Variants in PITPNM2 observed in about 807,000 individuals in gnomAD.
PITPNM2 encodes the protein membrane-associated phosphatidylinositol transfer protein 2.
A neutral mutation model predicts 132.2 loss-of-function variants in PITPNM2; 35 were observed. That is an observed-to-expected ratio of 0.26 (90% CI 0.20 to 0.35). The LOEUF (loss-of-function observed/expected upper bound fraction) is 0.35. PITPNM2 is among the 10% of genes least tolerant of loss of function. The pLI is 1.00. For synonymous variants in PITPNM2, 738 were observed against 799.2 expected (o/e 0.92, Z 1.29); for missense variants, 1,332 against 1,912.0 (o/e 0.70, Z 5.66).
At chr12:123,056,684 AC>A (rs1365096813) in intron 2 of PITPNM2, among the ~76,000 whole-genome samples, 2 of 152,190 alleles carry the variant, frequency 1.3e-5, no homozygotes, top group African/African-American at 4.8e-5. Flanking sequence ...ACTGGGTGAC[AC>A]TGGACACTGT....
chr12:123,037,462 A>G (rs2040312798), intron 2 of PITPNM2, among the ~76,000 whole-genome samples: 1 of 152,234 alleles, frequency 6.6e-6, no homozygotes, highest in Non-Finnish European at 1.5e-5. Context: ...TGTGACGTGC[A>G]GCACCCACTC....
At chr12:123,069,533 G>C (rs2041557808) in intron 2 of PITPNM2, among the ~76,000 whole-genome samples, 1 of 152,166 alleles carries the variant, frequency 6.6e-6, no homozygotes, top group African/African-American at 2.4e-5. Context: ...CCTGGAATCA[G>C]ATGGCCAGAG....
intron 2 of PITPNM2, among the ~76,000 whole-genome samples, chr12:123,051,904 C>A (rs545567993): frequency 8.0e-6 from 1 of 124,374 alleles, no homozygotes; most frequent in Admixed American, 9.8e-5. Context: ...TTTTTCCATT[C>A]TATTCTTTTT....
At chr12:123,012,855 A>C in intron 4 of PITPNM2, 121 bp from the exon 5 acceptor site, 1 of 1,339,888 alleles carries the variant, frequency 7.5e-7, no homozygotes, top group Non-Finnish European at 1.0e-6. Flanking sequence ...AGGAGGGTGG[A>C]GGGTAGCCGA....
In PITPNM2 at chr12:122,994,150, G is replaced by A. The variant is rs909752760; in HGVS notation, c.2233+651C>T. On this transcript the variant is annotated intron_variant, in intron 15 of 25. Coordinates refer to ENST00000320201, the MANE Select transcript of PITPNM2 (RefSeq NM_020845.3). The surrounding 1 kb of genome is among the most constrained non-coding windows in gnomAD (Gnocchi z 5.4). ...CGGCCTCCCAAAGTGCTGGATTACA[G>A]GCGTGAGCCACCGCGCCCGGCCAGC... Among the ~76,000 whole-genome samples, 1 of 152,242 alleles carries A rather than the reference G, an allele frequency of 6.6e-6. No homozygotes were observed. Among genetic ancestry groups the A allele is most frequent in the Admixed American group, 6.5e-5 (1 of 15,292 alleles).
At chr12:123,115,534 C>G (rs779627731) in intron 1 of PITPNM2, among the ~76,000 whole-genome samples, 1 of 151,968 alleles carries the variant, frequency 6.6e-6, no homozygotes, top group Non-Finnish European at 1.5e-5. Context: ...AAACCCAATA[C>G]GCGCCCGCAC....
chr12:123,024,128 A>T (rs918436199), intron 3 of PITPNM2, among the ~76,000 whole-genome samples: 3 of 152,260 alleles, frequency 2.0e-5, no homozygotes, highest in African/African-American at 4.8e-5. Flanking sequence ...GAACTTGAAC[A>T]GACATTTCTA....
chr12:123,070,949 T>TG (rs972678566), intron 2 of PITPNM2, among the ~76,000 whole-genome samples: 1 of 152,200 alleles, frequency 6.6e-6, no homozygotes, highest in African/African-American at 2.4e-5. Flanking sequence ...AACAGGGGGA[T>TG]GCAGGGAAGG....
At position 123,111,759 on chromosome 12, in the gene PITPNM2, C is replaced by A. The variant is rs996384863; in HGVS notation, c.-199-1271G>T. Among the ~76,000 whole-genome samples the A allele has an allele frequency of 6.6e-6, 1 of 152,224 alleles. No individual in the cohort carries two copies. Among genetic ancestry groups the A allele is most frequent in the African/African-American group, 2.4e-5 (1 of 41,464 alleles). On this transcript the variant is annotated intron_variant, in intron 1 of 25. Coordinates refer to ENST00000320201, the MANE Select transcript of PITPNM2 (RefSeq NM_020845.3). The surrounding 1 kb of genome is among the most constrained non-coding windows in gnomAD (Gnocchi z 4.1). ...CACACCCACATACACACTCAACCCC[C>A]GGAACAGATGAAACAGCCCAGGCAC... is the stretch of plus-strand genomic sequence containing the variant.
At chr12:123,057,743 G>A (rs1175132989) in intron 2 of PITPNM2, among the ~76,000 whole-genome samples, 1 of 152,198 alleles carries the variant, frequency 6.6e-6, no homozygotes, top group East Asian at 1.9e-4. Flanking sequence ...GCTCCCCACC[G>A]CGACGCCCAC....
rs1262156600 is a variant in PITPNM2, at chr12:123,058,540, G to A, written c.-95-23855C>T. ...ATGCCCCACCCACAGCCTCTCCAGGGCCTCTCTCACTCCACCATTCACCTG... is the reference window on the plus strand; with the variant it reads ...ATGCCCCACCCACAGCCTCTCCAGGACCTCTCTCACTCCACCATTCACCTG... On this transcript the variant is annotated intron_variant, in intron 2 of 25. Transcript: ENST00000320201. The surrounding 1 kb of genome is among the most constrained non-coding windows in gnomAD (Gnocchi z 4.0). Among the ~76,000 whole-genome samples the A allele has an allele frequency of 6.6e-6, 1 of 152,104 alleles. No individual in the cohort carries two copies. The highest frequency in any genetic ancestry group is 2.4e-5 in the African/African-American group (1 of 41,420).
At position 123,008,099 on chromosome 12, in the gene PITPNM2, G is replaced by A. The variant is rs943679289; in HGVS notation, c.643+1751C>T. On this transcript the variant is annotated intron_variant, in intron 6 of 25. Coordinates refer to ENST00000320201, the MANE Select transcript of PITPNM2 (RefSeq NM_020845.3). This position sits in a 1 kb window ranked among gnomAD's most constrained non-coding sequence, Gnocchi z 4.1. ...AAAGCAAAGCTCAGTGAGGCTGAGA[G>A]ACCACAGAGCCACTACGTGTGAGTC... Among the ~76,000 whole-genome samples the A allele has an allele frequency of 2.6e-5, 4 of 152,244 alleles. No individual in the cohort carries two copies. The East Asian group carries it at 7.7e-4, about 29-fold the overall frequency.
rs1056728616 is a variant in PITPNM2, at chr12:123,078,190, G to A, written c.-96+32195C>T. Among the ~76,000 whole-genome samples, 2 of 152,196 alleles carry A rather than the reference G, an allele frequency of 1.3e-5. No individual in the cohort carries two copies. The highest frequency in any genetic ancestry group is 2.1e-4 in the South Asian group (1 of 4,828). ...GAGTTGCCATGGAGAAAGGGGAGCC[G>A]CTGGCAGAGCCCAAGGCGGGCGGAG... is the stretch of plus-strand genomic sequence containing the variant. On this transcript the variant is annotated intron_variant, in intron 2 of 25. Transcript: ENST00000320201. This position sits in a 1 kb window ranked among gnomAD's most constrained non-coding sequence, Gnocchi z 7.3.
intron 3 of PITPNM2, among the ~76,000 whole-genome samples, chr12:123,015,269 C>T (rs2039374094): frequency 6.6e-6 from 1 of 152,190 alleles, no homozygotes; most frequent in Admixed American, 6.5e-5. Flanking sequence ...GGAGGACTCA[C>T]ACTTCCCTAT....
At position 123,008,022 on chromosome 12, in the gene PITPNM2, C is replaced by T. The variant is rs368817055; in HGVS notation, c.643+1828G>A. Among the ~76,000 whole-genome samples the T allele has an allele frequency of 3.9e-4, 59 of 152,346 alleles. No homozygotes were observed. Among genetic ancestry groups the T allele is most frequent in the South Asian group, 3.5e-3 (17 of 4,824 alleles). On this transcript the variant is annotated intron_variant, in intron 6 of 25. Coordinates refer to ENST00000320201, the MANE Select transcript of PITPNM2 (RefSeq NM_020845.3). This position sits in a 1 kb window ranked among gnomAD's most constrained non-coding sequence, Gnocchi z 4.1. ...TTCAGTTCTGAACCCACGGTCTCGG[C>T]CCACAACAGTCCGATAGGATCGGTG...
chr12:123,096,165 C>T (rs765074651), intron 2 of PITPNM2, among the ~76,000 whole-genome samples: 7 of 152,254 alleles, frequency 4.6e-5, no homozygotes, highest in Non-Finnish European at 7.3e-5. Flanking sequence ...GGGGGACAGA[C>T]CCCTCCTTTG....
At chr12:123,072,037 CTCTG>C (rs1249732780) in intron 2 of PITPNM2, among the ~76,000 whole-genome samples, 7 of 152,218 alleles carry the variant, frequency 4.6e-5, no homozygotes, top group Non-Finnish European at 1.0e-4. Context: ...ATTCCCCATT[CTCTG>C]TCTGCACAGG....
chr12:123,101,623 TA>T (rs2042565146), intron 2 of PITPNM2, among the ~76,000 whole-genome samples: 2 of 152,278 alleles, frequency 1.3e-5, no homozygotes, highest in African/African-American at 4.8e-5. Context: ...CGGTACTTAG[TA>T]AATGTTCGTC....
At chr12:123,124,267 A>C (rs752223521) in intron 1 of PITPNM2, among the ~76,000 whole-genome samples, 3 of 151,942 alleles carry the variant, frequency 2.0e-5, no homozygotes, top group African/African-American at 4.8e-5. Flanking sequence ...AAAAAATAAA[A>C]TAAAAATACA....
Sources: gnomAD v4.1 joint callset for allele counts (sites outside exome capture counted in the v4.1 genomes callset) on GRCh38, gnomAD v4.1.1 for gene constraint, Gnocchi (gnomAD v3.1) non-coding constraint, MANE v1.5 for transcripts, NCBI Gene and HGNC (gene_info 2026-07-23, HGNC 2026-07-21) for gene names.